The following OCRL variants were observed in gnomAD, a reference collection of about 807,000 sequenced individuals.
OCRL encodes the protein OCRL inositol polyphosphate-5-phosphatase.
A neutral mutation model predicts 78.9 loss-of-function variants in OCRL; 8 were observed. That is an observed-to-expected ratio of 0.10 (90% confidence interval 0.06 to 0.18). The LOEUF (loss-of-function observed/expected upper bound fraction) is 0.18. Ranked by LOEUF, OCRL falls within the 10% of genes least tolerant of loss-of-function variation. OCRL has a pLI of 1.00. For missense variants in OCRL, 454 were observed against 696.7 expected (o/e 0.65, Z 3.92); for synonymous variants, 240 against 235.4 (o/e 1.02, Z -0.18).
At chrX:129,550,975 A>C (rs767104458) in intron 4 of OCRL, among the ~76,000 whole-genome samples, 1 of 109,529 alleles carries the variant, frequency 9.1e-6, no homozygotes, top group South Asian at 3.9e-4. Flanking sequence ...CATTTATTTC[A>C]AGTTTGTGTT....
chrX:129,591,363 C>T lies in OCRL; in HGVS notation c.*1093C>T, dbSNP rs989707007. 8.9e-6 allele frequency: 1 copy of T among 112,251 alleles called. No individual in the cohort carries two copies. Among genetic ancestry groups the T allele is most frequent in the African/African-American group, 3.2e-5 (1 of 30,793 alleles). The allele number at this position is 112,251 out of a possible 1,213,427, so 9.3% of individuals were successfully genotyped here. A position where few individuals can be genotyped will look rare whatever the true frequency, so the allele number is the denominator to read the frequency against. Reference sequence around the variant, plus strand: ...TCACATAAAGGGTTTAGAGACTCCCCTTGGCTCCCAGTCACCATATCCAGT... The same window carrying T: ...TCACATAAAGGGTTTAGAGACTCCCTTTGGCTCCCAGTCACCATATCCAGT... On this transcript the variant is annotated 3_prime_UTR_variant, in exon 24 of 24. Coordinates refer to ENST00000371113, the MANE Select transcript of OCRL (RefSeq NM_000276.4).
At chrX:129,583,104 A>G (rs1936466285) in intron 18 of OCRL, among the ~76,000 whole-genome samples, 1 of 111,723 alleles carries the variant, frequency 9.0e-6, no homozygotes, top group African/African-American at 3.3e-5. Context: ...GCTTCAAGGT[A>G]AATATTACTA....
chrX:129,565,650 C>T, intron 12 of OCRL, 122 bp from the exon 13 acceptor site: 2 of 545,423 alleles, frequency 3.7e-6, no homozygotes, highest in Non-Finnish European at 3.2e-6. Flanking sequence ...AACTTTAAAC[C>T]CCTTGTGAGA....
chrX:129,565,161 T>G (rs1602788932), intron 12 of OCRL, among the ~76,000 whole-genome samples: 3 of 112,143 alleles, frequency 2.7e-5, no homozygotes, highest in African/African-American at 9.7e-5. Flanking sequence ...ATGTGTTAAT[T>G]GCATTGTCTC....
intron 22 of OCRL, 65 bp from the exon 23 acceptor site, chrX:129,589,780 T>TA: frequency 2.6e-6 from 2 of 757,275 alleles, no homozygotes; most frequent in Non-Finnish European, 4.2e-6. Flanking sequence ...ACAGCAGCTG[T>TA]AAGTTCCTCT....
intron 15 of OCRL, among the ~76,000 whole-genome samples, chrX:129,572,432 T>G (rs1936314162): frequency 8.8e-6 from 1 of 113,233 alleles, no homozygotes; most frequent in Non-Finnish European, 1.9e-5. Flanking sequence ...TATCTTTGAT[T>G]TGCCATTAAG....
At chrX:129,588,094 C>T in intron 20 of OCRL, 85 bp from the exon 21 acceptor site, 1 of 701,118 alleles carries the variant, frequency 1.4e-6, no homozygotes, top group South Asian at 2.1e-5. Context: ...CTTTTGCTTC[C>T]TGCTGCTCTT....
intron 14 of OCRL, 62 bp downstream of exon 14, chrX:129,567,425 A>G (rs2124410886): frequency 1.2e-6 from 1 of 846,474 alleles, no homozygotes; most frequent in Non-Finnish European, 1.8e-6. Flanking sequence ...CTGACCCTCC[A>G]TATTGGTAAG....
chrX:129,590,056 A>G (rs1936567871), intron 23 of OCRL, 90 bp from the exon 24 acceptor site: 1 of 1,177,541 alleles, frequency 8.5e-7, no homozygotes. Context: ...ATGGCAGTCA[A>G]TAGTCCTTGT....
chrX:129,575,256 C>G lies in OCRL; in HGVS notation c.1713+6C>G, dbSNP rs191367057. The G allele has an allele frequency of 3.1e-5, 34 of 1,080,294 alleles. No individual in the cohort carries two copies. The highest frequency in any genetic ancestry group is 4.2e-5 in the Non-Finnish European group (33 of 778,012). The allele number at this position is 1,080,294 out of a possible 1,213,427, so 89.0% of individuals were successfully genotyped here. A position where few individuals can be genotyped will look rare whatever the true frequency, so the allele number is the denominator to read the frequency against. ...TAGAACTCAGCAGGAGGGAGGTGAGCAAAAATACATGATCTCCCTGTCTAC... is the reference window on the plus strand; with the variant it reads ...TAGAACTCAGCAGGAGGGAGGTGAGGAAAAATACATGATCTCCCTGTCTAC... On this transcript the variant is annotated splice_donor_region_variant and intron_variant, in intron 16 of 23. Transcript: ENST00000371113.
chrX:129,562,554 G>A (rs1281050053), intron 11 of OCRL, 45 bp from the exon 12 acceptor site: 13 of 1,195,213 alleles, frequency 1.1e-5, no homozygotes, highest in Non-Finnish European at 1.4e-5. Flanking sequence ...GTAAAGTTCA[G>A]TTGCTTGTTC....
At chrX:129,581,161 G>A (rs766819904) in intron 18 of OCRL, among the ~76,000 whole-genome samples, 3 of 112,706 alleles carry the variant, frequency 2.7e-5, no homozygotes, top group East Asian at 2.8e-4. Flanking sequence ...CACCGTGCCC[G>A]GCTATGCTTT....
At position 129,540,798 on chromosome X, in the gene OCRL, C is replaced by A. The variant is rs1437127217; in HGVS notation, c.94C>A (p.Leu32Ile). Reference protein sequence around the residue: ...GPLREPCALTLAQRNGQYELI... With the variant: ...GPLREPCALTIAQRNGQYELI... ...TCTCCGGGAGCCCTGCGCCCTGACC[C>A]TAGCCCAGAGGAACGGGCAATATGA... The change falls in exon 2 of 24, where the codon CTA becomes ATA. Residue 32 changes from leucine to isoleucine, a missense_variant. Around this residue, in one of 2 missense-constraint regions of OCRL, gnomAD observed 177 missense variants for 179.6 expected, o/e 0.99. Coordinates refer to ENST00000371113, the MANE Select transcript of OCRL (RefSeq NM_000276.4). The A allele has an allele frequency of 8.3e-7, 1 of 1,207,229 alleles. No homozygotes were observed. Among genetic ancestry groups the A allele is most frequent in the Non-Finnish European group, 1.1e-6 (1 of 892,606 alleles).
At chrX:129,586,820 A>C (rs755018063) in intron 19 of OCRL, 182 bp from the exon 20 acceptor site, 5 of 553,095 alleles carry the variant, frequency 9.0e-6, no homozygotes, top group Middle Eastern at 3.1e-4. Flanking sequence ...GACATCCTTT[A>C]ACTATGGGAC....
In OCRL at chrX:129,554,041, G is replaced by A. The variant is rs1271062741; in HGVS notation, c.239-3284G>A. 2.7e-5 allele frequency among the ~76,000 whole-genome samples: 3 copies of A among 110,027 alleles called. No individual in the cohort carries two copies. In the East Asian group the frequency reaches 8.5e-4, roughly 31 times the overall value. On this transcript the variant is annotated intron_variant, in intron 4 of 23. Coordinates refer to ENST00000371113, the MANE Select transcript of OCRL (RefSeq NM_000276.4). ...AGAGGCAAGGCAGTTCTGGGTTTTT[G>A]CAAGAGTGTAATGATGGCATCTGTT...
intron 12 of OCRL, 36 bp downstream of exon 12, chrX:129,562,822 G>C: frequency 8.8e-7 from 1 of 1,136,332 alleles, no homozygotes; most frequent in Non-Finnish European, 1.2e-6. Flanking sequence ...TTTGAGTAGT[G>C]GCTACAGGAG....
chrX:129,544,825 G>GCTCA, intron 2 of OCRL, 133 bp from the exon 3 acceptor site: 1 of 513,996 alleles, frequency 1.9e-6, no homozygotes, highest in African/African-American at 2.3e-5. Context: ...CTGTCATGAT[G>GCTCA]CTCAGATCCA....
At chrX:129,565,577 C>A (rs1936206475) in intron 12 of OCRL, among the ~76,000 whole-genome samples, 195 bp from the exon 13 acceptor site, 1 of 112,064 alleles carries the variant, frequency 8.9e-6, no homozygotes, top group Non-Finnish European at 1.9e-5. Context: ...CTTCTCCTAC[C>A]TATTTTGTAA....
intron 3 of OCRL, among the ~76,000 whole-genome samples, chrX:129,546,173 A>T (rs1027408055): frequency 8.9e-6 from 1 of 112,488 alleles, no homozygotes; most frequent in Non-Finnish European, 1.9e-5. Flanking sequence ...CCTTTCAGAG[A>T]TAAACACCTA....
Sources: allele counts gnomAD v4.1 joint callset (sites outside exome capture counted in the v4.1 genomes callset), GRCh38; gene constraint gnomAD v4.1.1; regional missense constraint gnomAD v4.1.1; transcripts MANE v1.5; gene names NCBI Gene and HGNC (gene_info 2026-07-23, HGNC 2026-07-21).